Variants in NRXN3 observed in about 807,000 individuals in gnomAD.
NRXN3 encodes neurexin III.
In NRXN3, 32 loss-of-function variants were observed where a neutral mutation model predicts 137.6. That is an observed-to-expected ratio of 0.23 (90% confidence interval 0.18 to 0.31). The LOEUF is 0.31. Among genes scored for constraint, NRXN3 ranks in the 10% least tolerant of loss-of-function variants. The pLI is 1.00. For synonymous variants in NRXN3, 798 were observed against 784.5 expected, an observed-to-expected ratio of 1.02 and a Z score of -0.29; for missense variants, 1,574 against 2,062.5, an observed-to-expected ratio of 0.76 and a Z score of 4.59.
At chr14:78,932,081 A>T (rs1173710180) in intron 10 of NRXN3, among the ~76,000 whole-genome samples, 2 of 152,280 alleles carry the variant, frequency 1.3e-5, no homozygotes, top group East Asian at 3.9e-4. Flanking sequence ...TGGAGGTTGC[A>T]GTAAGCCAAG....
At chr14:78,730,340 A>G (rs887032833) in intron 8 of NRXN3, among the ~76,000 whole-genome samples, 21 of 149,938 alleles carry the variant, frequency 1.4e-4, no homozygotes, top group African/African-American at 4.4e-4. Flanking sequence ...CTTTTTATTC[A>G]CCCCTCTCCT....
At chr14:78,998,607 T>C (rs1055136207) in intron 15 of NRXN3, among the ~76,000 whole-genome samples, 1 of 151,658 alleles carries the variant, frequency 6.6e-6, no homozygotes, top group African/African-American at 2.4e-5. Flanking sequence ...AAATTTTTTT[T>C]TTTTTTTTTG....
chr14:78,995,855 T>G (rs1488310605), intron 15 of NRXN3, among the ~76,000 whole-genome samples: 1 of 152,204 alleles, frequency 6.6e-6, no homozygotes, highest in Admixed American at 6.5e-5. Flanking sequence ...AATACAAATT[T>G]TAGATTTAAA....
intron 4 of NRXN3, among the ~76,000 whole-genome samples, chr14:78,436,408 C>G (rs186766014): frequency 4.6e-5 from 7 of 152,284 alleles, no homozygotes; most frequent in Admixed American, 4.6e-4. Flanking sequence ...AAGGTGAATA[C>G]TGTTATTATC....
At chr14:78,713,201 G>C (rs908645856) in intron 7 of NRXN3, among the ~76,000 whole-genome samples, 2 of 152,162 alleles carry the variant, frequency 1.3e-5, no homozygotes, top group Non-Finnish European at 2.9e-5. Flanking sequence ...AGGTTAGCTT[G>C]TGGGGTTTCA....
chr14:78,671,369 C>T (rs1270295834), intron 6 of NRXN3, among the ~76,000 whole-genome samples: 2 of 152,124 alleles, frequency 1.3e-5, no homozygotes, highest in East Asian at 3.9e-4. Context: ...TATAAGAAAA[C>T]TAAATGTTGA....
At chr14:78,457,724 T>G (rs8016031) in intron 4 of NRXN3, among the ~76,000 whole-genome samples, 147,374 of 152,212 alleles carry the variant, frequency 0.97, 71,511 homozygotes, top group Non-Finnish European at 1. Context: ...GATATATATG[T>G]GTGTATAGAT....
chr14:79,381,231 T>G (rs2094461651), intron 15 of NRXN3, among the ~76,000 whole-genome samples: 1 of 151,200 alleles, frequency 6.6e-6, no homozygotes, highest in South Asian at 2.1e-4. Context: ...TGAAAAATAA[T>G]AGAATCCCTT....
At chr14:78,807,820 C>T (rs1054592528) in intron 9 of NRXN3, among the ~76,000 whole-genome samples, 2 of 145,456 alleles carry the variant, frequency 1.4e-5, no homozygotes, top group Non-Finnish European at 3.0e-5. Context: ...TAATTTAAAA[C>T]AAAACAAAAT....
intron 16 of NRXN3, among the ~76,000 whole-genome samples, chr14:79,476,629 T>A (rs1241170598): frequency 6.6e-6 from 1 of 152,136 alleles, no homozygotes; most frequent in African/African-American, 2.4e-5. Flanking sequence ...AGCATGTGTT[T>A]CAGAGACCAT....
chr14:78,524,239 G>A (rs1226828588), intron 4 of NRXN3, among the ~76,000 whole-genome samples: 1 of 152,124 alleles, frequency 6.6e-6, no homozygotes, highest in African/African-American at 2.4e-5. Flanking sequence ...CTACCTGCAT[G>A]TGGAGTTCTG....
intron 2 of NRXN3, among the ~76,000 whole-genome samples, chr14:78,260,041 T>A (rs753206408): frequency 2.6e-5 from 4 of 152,186 alleles, no homozygotes; most frequent in Non-Finnish European, 4.4e-5. Context: ...AACTCGGGAA[T>A]GTTATCAGAA....
At chr14:79,585,694 C>CAA (rs76676582) in intron 16 of NRXN3, among the ~76,000 whole-genome samples, 1,542 of 114,346 alleles carry the variant, frequency 0.013, 66 homozygotes, top group African/African-American at 0.046. Flanking sequence ...AAAAAAAAAA[C>CAA]AAAAAAAAAA....
chr14:79,823,806 C>T, intron 20 of NRXN3: 1 of 357,768 alleles, frequency 2.8e-6, no homozygotes, highest in South Asian at 2.0e-5. Context: ...GCAAGGAAAG[C>T]TGCTGGAGGA....
intron 4 of NRXN3, among the ~76,000 whole-genome samples, chr14:78,510,419 T>G (rs1194706109): frequency 1.3e-5 from 2 of 152,134 alleles, no homozygotes. Flanking sequence ...AGCAGACTAA[T>G]CCTCACTATT....
intron 19 of NRXN3, among the ~76,000 whole-genome samples, chr14:79,722,069 G>T (rs753521136): frequency 5.9e-5 from 9 of 152,046 alleles, no homozygotes; most frequent in Admixed American, 2.6e-4. Flanking sequence ...CTTAACCTAA[G>T]CCTTATCCAT....
At chr14:78,662,846 A>G (rs1207650720) in intron 6 of NRXN3, among the ~76,000 whole-genome samples, 1 of 152,192 alleles carries the variant, frequency 6.6e-6, no homozygotes, top group African/African-American at 2.4e-5. Flanking sequence ...TTACTCACTT[A>G]CAAGAATTTA....
rs372496060 is a variant in NRXN3, at chr14:78,990,449, G to A, written c.3262+2308G>A. On this transcript the variant is annotated intron_variant, in intron 15 of 20. Coordinates refer to ENST00000335750, the MANE Select transcript of NRXN3 (RefSeq NM_001330195.2). ...TGCAGTGGCACAATCTCGGCTCACTGCAACCTCCACCTCCCAGGTTCAAGC... is the reference window on the plus strand; with the variant it reads ...TGCAGTGGCACAATCTCGGCTCACTACAACCTCCACCTCCCAGGTTCAAGC... 7.4e-4 allele frequency among the ~76,000 whole-genome samples: 99 copies of A among 134,466 alleles called. No homozygotes were observed. In the East Asian group the frequency reaches 0.02, roughly 27 times the overall value. The allele number at this position is 134,466 out of a possible 152,430, so 88.2% of individuals were successfully genotyped here.
At chr14:79,701,271 T>G (rs1442912743) in intron 19 of NRXN3, among the ~76,000 whole-genome samples, 1 of 152,064 alleles carries the variant, frequency 6.6e-6, no homozygotes, top group Non-Finnish European at 1.5e-5. Flanking sequence ...AGTTAACTAT[T>G]TATATGAAAC....
Sources: allele counts gnomAD v4.1 joint callset (sites outside exome capture counted in the v4.1 genomes callset), GRCh38; gene constraint gnomAD v4.1.1; transcripts MANE v1.5; gene names NCBI Gene and HGNC (gene_info 2026-07-23, HGNC 2026-07-21).